Variants in NAV1 observed in about 807,000 individuals in gnomAD.
NAV1 encodes the protein pore membrane and/or filament interacting like protein 3.
Under a neutral mutation model 175.2 loss-of-function variants are expected in NAV1, and 18 were observed. The ratio of observed to expected loss-of-function variants is 0.10; its 90% CI spans 0.07 to 0.15. The LOEUF (loss-of-function observed/expected upper bound fraction) is 0.15. Ranked by LOEUF, NAV1 falls within the 10% of genes least tolerant of loss-of-function variation. NAV1 has a pLI of 1.00. For missense variants in NAV1, 1,731 were observed against 2,436.6 expected, an observed-to-expected ratio of 0.71 and a Z score of 6.10; for synonymous variants, 897 against 978.7, an observed-to-expected ratio of 0.92 and a Z score of 1.56.
chr1:201,642,206 T>C lies in NAV1; in HGVS notation c.5-6428T>C, dbSNP rs561786849. Among the ~76,000 whole-genome samples the C allele has an allele frequency of 3.2e-3, 446 of 140,510 alleles. 3 individuals carry two copies. Among genetic ancestry groups the C allele is most frequent in the African/African-American group, 0.012 (408 of 34,996 alleles). The allele number at this position is 140,510 out of a possible 152,430, so 92.2% of individuals were successfully genotyped here. ...CTTCCTTCCCTCCTTTCTTCCTTTC[T>C]TCCTTCCCTCCTTTCTTCCTTTCTT... On this transcript the variant is annotated intron_variant, in intron 2 of 29. Coordinates refer to the NAV1 transcript ENST00000367302.
intron 3 of NAV1, chr1:201,739,537 GTGCCCCAGAGAGAAGTGGCTCGC>G (rs1453693704): frequency 6.5e-6 from 1 of 154,180 alleles, no homozygotes; most frequent in African/African-American, 2.4e-5. Flanking sequence ...TTACCCACCC[GTGCCCCAGAGAGAAGTGGCTCGC>G]TGCTCACACC....
intron 1 of NAV1, among the ~76,000 whole-genome samples, chr1:201,685,528 A>G (rs1670652460): frequency 6.6e-6 from 1 of 152,096 alleles, no homozygotes; most frequent in Non-Finnish European, 1.5e-5. Flanking sequence ...GTTTCTGCTC[A>G]TTTCCTCTGT....
intron 1 of NAV1, among the ~76,000 whole-genome samples, chr1:201,565,023 C>A (rs749282067): frequency 6.6e-6 from 1 of 152,176 alleles, no homozygotes; most frequent in Non-Finnish European, 1.5e-5. Context: ...ATTCCAGGGT[C>A]CTTAATCTTA....
At chr1:201,575,742 A>G (rs904349024) in intron 1 of NAV1, among the ~76,000 whole-genome samples, 29 of 152,178 alleles carry the variant, frequency 1.9e-4, no homozygotes, top group African/African-American at 7.0e-4. Context: ...TCTTTGATAA[A>G]GTGTTTCTCG....
At chr1:201,699,794 A>G (rs1571892431) in intron 1 of NAV1, among the ~76,000 whole-genome samples, 1 of 152,238 alleles carries the variant, frequency 6.6e-6, no homozygotes, top group East Asian at 1.9e-4. Flanking sequence ...CCACACATCT[A>G]CAACCACCTG....
intron 1 of NAV1, among the ~76,000 whole-genome samples, chr1:201,584,835 C>T (rs1346470000): frequency 1.3e-5 from 2 of 152,156 alleles, no homozygotes; most frequent in African/African-American, 4.8e-5. Context: ...GGGGAGAGTC[C>T]GGAGCAGACA....
intron 1 of NAV1, among the ~76,000 whole-genome samples, chr1:201,550,637 A>G (rs1474380733): frequency 3.3e-5 from 5 of 152,248 alleles, no homozygotes; most frequent in African/African-American, 7.2e-5. Context: ...TGAAAGCTAA[A>G]GTTAAGTATT....
intron 3 of NAV1, among the ~76,000 whole-genome samples, chr1:201,743,971 G>C (rs908319209): frequency 1.3e-5 from 2 of 152,122 alleles, no homozygotes; most frequent in Admixed American, 6.6e-5. Flanking sequence ...CGCAATGTGT[G>C]CCTCCCAGAT....
In NAV1 at chr1:201,649,324, C is replaced by A; in HGVS notation, c.656C>A (p.Ser219Tyr). ...CAAAAGAGCTCTGGGCCTGTCCCCT[C>A]TGCCAAGGGCCAGGAGGAGCGCGCC... The change falls in exon 1 of 30, where the codon TCT becomes TAT. Residue 219 changes from serine to tyrosine, a missense_variant. Transcript: ENST00000367296. The A allele has an allele frequency of 1.2e-6, 2 of 1,612,402 alleles. No homozygotes were observed. Among genetic ancestry groups the A allele is most frequent in the Non-Finnish European group, 8.5e-7 (1 of 1,179,692 alleles).
At chr1:201,671,041 A>C (rs1381155808) in intron 1 of NAV1, among the ~76,000 whole-genome samples, 1 of 152,156 alleles carries the variant, frequency 6.6e-6, no homozygotes, top group Non-Finnish European at 1.5e-5. Flanking sequence ...CTGTTATGGC[A>C]GTTGTGATGC....
At position 201,539,834 on chromosome 1, in the gene NAV1, C is replaced by T. The variant is rs1271805465; in HGVS notation, c.-144+492C>T. Among the ~76,000 whole-genome samples, 2 of 152,152 alleles carry T rather than the reference C, an allele frequency of 1.3e-5. No homozygotes were observed. Among genetic ancestry groups the T allele is most frequent in the African/African-American group, 4.8e-5 (2 of 41,450 alleles). ...CCAGAGGAACAGCTGGGGCAGGTGA[C>T]CTCGCGGGCCGTTCCAGAAAACGTT... On this transcript the variant is annotated intron_variant, in intron 1 of 33. Transcript: ENST00000685211. This position sits in a 1 kb window ranked among gnomAD's most constrained non-coding sequence, Gnocchi z 5.6.
intron 5 of NAV1, 79 bp downstream of exon 9, chr1:201,781,388 A>G: frequency 7.4e-7 from 1 of 1,351,602 alleles, no homozygotes; most frequent in Non-Finnish European, 1.0e-6. Flanking sequence ...TCATTAACCC[A>G]TAGGATGATA....
intron 1 of NAV1, among the ~76,000 whole-genome samples, chr1:201,569,833 G>A (rs1480682161): frequency 6.6e-6 from 1 of 152,210 alleles, no homozygotes; most frequent in Non-Finnish European, 1.5e-5. Context: ...AGAGGAGTGG[G>A]AAGGACAAAG....
chr1:201,635,014 A>T (rs12041793), intron 2 of NAV1, among the ~76,000 whole-genome samples: 45,094 of 151,964 alleles, frequency 0.3, 7,429 homozygotes, highest in African/African-American at 0.45. Flanking sequence ...TTCATATCCA[A>T]TTGACAATTT....
rs1678100827 is a variant in NAV1 at position 201,803,841 on chromosome 1, G to A, written c.3639+127G>A. ...CCCGTCTAACACTGAGCCCTAGTGT[G>A]ATGTCCGCTCAGAGCATGGTCTCCC... On this transcript the variant is annotated intron_variant, in intron 16 of 29. Coordinates refer to ENST00000367296, the Ensembl canonical transcript of NAV1. 1.4e-5 allele frequency: 17 copies of A among 1,216,884 alleles called. No individual in the cohort carries two copies. In the South Asian group the frequency reaches 1.7e-4, roughly 12 times the overall value. 75.4% of individuals were successfully genotyped at this position (1,216,884 alleles called of 1,614,324 possible).
chr1:201,544,934 C>T (rs1665625319), intron 1 of NAV1, among the ~76,000 whole-genome samples: 1 of 152,204 alleles, frequency 6.6e-6, no homozygotes, highest in South Asian at 2.1e-4. Flanking sequence ...ATAACTAAGA[C>T]TTGAACTCAA....
chr1:201,754,678 A>G (rs1674343052), intron 3 of NAV1, among the ~76,000 whole-genome samples: 1 of 152,216 alleles, frequency 6.6e-6, no homozygotes, highest in African/African-American at 2.4e-5. Flanking sequence ...ATGAGGCAGC[A>G]GGATCAAACT....
At position 201,813,408 on chromosome 1, in the gene NAV1, G is replaced by A; in HGVS notation, c.5340+150G>A. On this transcript the variant is annotated intron_variant, in intron 28 of 29. Coordinates refer to ENST00000367296, the Ensembl canonical transcript of NAV1. The surrounding 1 kb of genome is among the most constrained non-coding windows in gnomAD (Gnocchi z 4.2). ...AGCAAGGCACTGGGTAGACTAAGCT[G>A]CTTTCCTGCCTCCAGCTGCCATTCA... The A allele has an allele frequency of 1.7e-6, 1 of 593,626 alleles. No homozygotes were observed. Among genetic ancestry groups the A allele is most frequent in the Non-Finnish European group, 3.0e-6 (1 of 338,138 alleles). The allele number at this position is 593,626 out of a possible 1,614,324, so 36.8% of individuals were successfully genotyped here. A position where few individuals can be genotyped will look rare whatever the true frequency, so the allele number is the denominator to read the frequency against.
intron 1 of NAV1, among the ~76,000 whole-genome samples, chr1:201,556,468 C>T (rs569527760): frequency 6.6e-6 from 1 of 151,864 alleles, no homozygotes; most frequent in Non-Finnish European, 1.5e-5. Flanking sequence ...GATTACACCC[C>T]AGTTGTAATA....
Sources: allele counts gnomAD v4.1 joint callset (sites outside exome capture counted in the v4.1 genomes callset), GRCh38; gene constraint gnomAD v4.1.1; non-coding constraint Gnocchi (gnomAD v3.1); transcripts MANE v1.5; gene names NCBI Gene and HGNC (gene_info 2026-07-23, HGNC 2026-07-21).